TBL1XR1: variants seen among roughly 807,000 people sequenced by gnomAD.
TBL1XR1 encodes the protein F-box-like/WD repeat-containing protein TBL1XR1.
TBL1XR1 carries 5 observed loss-of-function variants against 66.9 expected under a neutral mutation model. The observed-to-expected ratio is 0.07, with a 90% CI of 0.04 to 0.16. The LOEUF is 0.16. TBL1XR1 is among the 10% of genes least tolerant of loss of function. The pLI, the probability that TBL1XR1 is intolerant of heterozygous loss-of-function variation, is 1.00. For synonymous variants in TBL1XR1, 210 were observed against 206.0 expected, an observed-to-expected ratio of 1.02 and a Z score of -0.17; for missense variants, 238 against 623.2, an observed-to-expected ratio of 0.38 and a Z score of 6.58.
At chr3:177,043,391 A>G (rs778319316) in intron 10 of TBL1XR1, among the ~76,000 whole-genome samples, 6 of 152,144 alleles carry the variant, frequency 3.9e-5, no homozygotes, top group Non-Finnish European at 8.8e-5. Context: ...TTGACTGTTT[A>G]TCTTGTATTA....
chr3:177,034,366 C>T (rs1714460809), intron 12 of TBL1XR1, 41 bp from the exon 13 acceptor site: 2 of 1,367,642 alleles, frequency 1.5e-6, no homozygotes, highest in East Asian at 2.6e-5. Context: ...TTTTTCCATA[C>T]AATGAGTATA....
intron 10 of TBL1XR1, among the ~76,000 whole-genome samples, chr3:177,041,967 ACTTC>A (rs1364252172): frequency 6.6e-6 from 1 of 151,958 alleles, no homozygotes; most frequent in East Asian, 1.9e-4. Flanking sequence ...AGAGTCTTAG[ACTTC>A]CTTCAATTAG....
At chr3:177,181,515 A>C (rs576632982) in intron 1 of TBL1XR1, among the ~76,000 whole-genome samples, 14 of 151,592 alleles carry the variant, frequency 9.2e-5, no homozygotes, top group Admixed American at 8.6e-4. Context: ...GCCAGCCTAC[A>C]CTCAACAGTA....
rs542985784 is a variant in TBL1XR1, at chr3:177,038,515, C to T, written c.926-81G>A. 2.9e-3 allele frequency: 3,856 copies of T among 1,323,482 alleles called. 6 individuals are homozygous for T. Among genetic ancestry groups the T allele is most frequent in the Admixed American group, 4.0e-3 (126 of 31,114 alleles). The allele number at this position is 1,323,482 out of a possible 1,614,324, so 82.0% of individuals were successfully genotyped here. A position where few individuals can be genotyped will look rare whatever the true frequency, so the allele number is the denominator to read the frequency against. Reference sequence around the variant, plus strand: ...AGTTTTAGCTTTGAACCATTGTTGACTAATAAAATATACTAACAGGCACTT... The same window carrying T: ...AGTTTTAGCTTTGAACCATTGTTGATTAATAAAATATACTAACAGGCACTT... On this transcript the variant is annotated intron_variant, in intron 10 of 15. Coordinates refer to ENST00000457928, the MANE Select transcript of TBL1XR1 (RefSeq NM_024665.7).
At chr3:177,051,963 T>C (rs1717148111) in intron 4 of TBL1XR1, among the ~76,000 whole-genome samples, 1 of 152,160 alleles carries the variant, frequency 6.6e-6, no homozygotes, top group African/African-American at 2.4e-5. Context: ...TATAGAGCTG[T>C]ACAGATAGAG....
intron 1 of TBL1XR1, among the ~76,000 whole-genome samples, chr3:177,164,171 G>A (rs535132567): frequency 1.3e-5 from 2 of 152,256 alleles, no homozygotes; most frequent in East Asian, 1.9e-4. Flanking sequence ...TTCCAGAGCT[G>A]AGTAAAATTC....
intron 10 of TBL1XR1, among the ~76,000 whole-genome samples, chr3:177,039,274 G>A (rs139922055): frequency 0.018 from 2,780 of 152,236 alleles, 32 homozygotes; most frequent in Non-Finnish European, 0.028. Context: ...TACTAAACTT[G>A]TACTATCTTT....
chr3:177,063,637 CTT>C (rs1718790535), intron 3 of TBL1XR1, among the ~76,000 whole-genome samples: 1 of 152,224 alleles, frequency 6.6e-6, no homozygotes, highest in Non-Finnish European at 1.5e-5. Context: ...CTAGTCACTA[CTT>C]TTTCACTTTA....
At chr3:177,094,370 G>A (rs1280771107) in intron 2 of TBL1XR1, among the ~76,000 whole-genome samples, 1 of 152,134 alleles carries the variant, frequency 6.6e-6, no homozygotes, top group Non-Finnish European at 1.5e-5. Flanking sequence ...TTACACTGCT[G>A]GTGGGAATGT....
At chr3:177,160,119 A>G (rs550968715) in intron 1 of TBL1XR1, among the ~76,000 whole-genome samples, 1 of 152,268 alleles carries the variant, frequency 6.6e-6, no homozygotes, top group African/African-American at 2.4e-5. Context: ...AGAAGCTCAA[A>G]TAACAAGTAA....
chr3:177,069,799 A>AGGGAAGGAAG (rs1192011654), intron 2 of TBL1XR1, among the ~76,000 whole-genome samples: 31 of 94,252 alleles, frequency 3.3e-4, no homozygotes, highest in African/African-American at 1.2e-3. Flanking sequence ...AAGGAAAGGA[A>AGGGAAGGAAG]GGAAGGAAGG....
chr3:177,110,810 T>C (rs915962348), intron 1 of TBL1XR1: 1 of 152,146 alleles, frequency 6.6e-6, no homozygotes, highest in East Asian at 1.9e-4. Context: ...AAATCTTACC[T>C]CCTCTTCATG....
chr3:177,121,950 G>C (rs1221825003), intron 1 of TBL1XR1, among the ~76,000 whole-genome samples: 2 of 152,050 alleles, frequency 1.3e-5, no homozygotes, highest in South Asian at 4.1e-4. Context: ...GGGATTGAAA[G>C]AATCACAATG....
chr3:177,043,710 T>C (rs923203922), intron 10 of TBL1XR1, among the ~76,000 whole-genome samples: 1 of 152,210 alleles, frequency 6.6e-6, no homozygotes, highest in African/African-American at 2.4e-5. Context: ...TGTCATATGG[T>C]TACATTTAAA....
chr3:177,058,673 A>G (rs1224636797), intron 3 of TBL1XR1, among the ~76,000 whole-genome samples: 2 of 152,240 alleles, frequency 1.3e-5, no homozygotes, highest in African/African-American at 2.4e-5. Flanking sequence ...AGCATTTTAA[A>G]GAAGGTTTTC....
intron 2 of TBL1XR1, among the ~76,000 whole-genome samples, chr3:177,089,263 C>T (rs1241153668): frequency 6.6e-6 from 1 of 152,134 alleles, no homozygotes; most frequent in Non-Finnish European, 1.5e-5. Flanking sequence ...AGCCCACATT[C>T]CCTCATCACT....
chr3:177,106,249 T>A (rs909326724), intron 1 of TBL1XR1, among the ~76,000 whole-genome samples: 6 of 152,140 alleles, frequency 3.9e-5, no homozygotes, highest in South Asian at 4.1e-4. Flanking sequence ...TATAGAAAGG[T>A]ATTTTTTTCC....
intron 1 of TBL1XR1, among the ~76,000 whole-genome samples, chr3:177,134,669 A>C (rs1369548915): frequency 6.6e-6 from 1 of 152,142 alleles, no homozygotes; most frequent in Non-Finnish European, 1.5e-5. Context: ...TCTGTTCCTT[A>C]AAATTTTTAA....
chr3:177,178,746 G>GAA (rs1447999068), intron 1 of TBL1XR1, among the ~76,000 whole-genome samples: 1 of 152,122 alleles, frequency 6.6e-6, no homozygotes, highest in Admixed American at 6.6e-5. Context: ...ACAAGTTGTG[G>GAA]AAAAGGTTCC....
Sources: allele counts gnomAD v4.1 joint callset (sites outside exome capture counted in the v4.1 genomes callset), GRCh38; gene constraint gnomAD v4.1.1; transcripts MANE v1.5; gene names NCBI Gene and HGNC (gene_info 2026-07-23, HGNC 2026-07-21).